Variants in SOX5 observed in about 807,000 individuals in gnomAD.
SOX5 encodes transcription factor SOX-5.
SOX5 carries 9 observed loss-of-function variants against 92.0 expected under a neutral mutation model. The observed-to-expected ratio is 0.10, with a 90% CI of 0.06 to 0.17. The LOEUF is 0.17. SOX5 is among the 10% of genes least tolerant of loss of function. SOX5 has a pLI of 1.00. For synonymous variants in SOX5, 344 were observed against 336.3 expected, an observed-to-expected ratio of 1.02 and a Z score of -0.25; for missense variants, 642 against 944.5, an observed-to-expected ratio of 0.68 and a Z score of 4.20.
Position 23,534,429 on chromosome 12 carries a change from C to T in SOX5, c.2082G>A (p.Glu694=). ...AGMPSPHLPS[E]HSSVSSSPEP... is the part of the protein sequence containing the mutation. ...CTGGGCTGCTAGACACGCTTGAGTGCTCCGAGGGCAGGTGAGGGGAGGGCA... is the reference window on the plus strand; with the variant it reads ...CTGGGCTGCTAGACACGCTTGAGTGTTCCGAGGGCAGGTGAGGGGAGGGCA... Residue 694 remains glutamate (E), a synonymous_variant, in exon 15 of 15, where the codon GAG becomes GAA. Coordinates refer to ENST00000451604, the MANE Select transcript of SOX5 (RefSeq NM_006940.6). The T allele has an allele frequency of 1.2e-6, 2 of 1,613,998 alleles. No individual in the cohort carries two copies. Among genetic ancestry groups the T allele is most frequent in the East Asian group, 2.2e-5 (1 of 44,882 alleles).
intron 3 of SOX5, among the ~76,000 whole-genome samples, chr12:23,798,168 T>C (rs1355710222): frequency 1.3e-5 from 2 of 152,042 alleles, no homozygotes; most frequent in African/African-American, 2.4e-5. Flanking sequence ...ATATTTTTAA[T>C]CTGATTACTC....
intron 4 of SOX5, among the ~76,000 whole-genome samples, chr12:24,200,655 C>T (rs1594197724): frequency 6.6e-6 from 1 of 152,150 alleles, no homozygotes; most frequent in East Asian, 1.9e-4. Context: ...TACAATATCT[C>T]TGGACAGAAG....
At chr12:24,386,363 ATTTTAC>A (rs1958414389) in intron 1 of SOX5, among the ~76,000 whole-genome samples, 1 of 152,098 alleles carries the variant, frequency 6.6e-6, no homozygotes. Context: ...TGGGCTTTAT[ATTTTAC>A]TTTTATAGTA....
intron 2 of SOX5, among the ~76,000 whole-genome samples, chr12:23,892,539 C>A (rs917108041): frequency 6.6e-6 from 1 of 152,030 alleles, no homozygotes; most frequent in Non-Finnish European, 1.5e-5. Flanking sequence ...CATAAACAAT[C>A]CAAGTCATTT....
chr12:24,202,939 T>G (rs907863433), intron 4 of SOX5, among the ~76,000 whole-genome samples: 1 of 152,208 alleles, frequency 6.6e-6, no homozygotes, highest in African/African-American at 2.4e-5. Context: ...GGAGATATGT[T>G]GATACTCTGT....
chr12:24,266,742 G>T (rs1389298179), intron 3 of SOX5, among the ~76,000 whole-genome samples: 1 of 152,050 alleles, frequency 6.6e-6, no homozygotes, highest in Non-Finnish European at 1.5e-5. Context: ...AACAAAAATG[G>T]CAATTTAGGT....
chr12:23,620,941 T>C lies in SOX5; in HGVS notation c.1018-16408A>G, dbSNP rs190586815. ...AATGTCAGTAAATAATTATCTCTGC[T>C]TTCATGAAAGGATTTTTAAACTTTT... On this transcript the variant is annotated intron_variant, in intron 8 of 14. Coordinates refer to ENST00000451604, the MANE Select transcript of SOX5 (RefSeq NM_006940.6). Among the ~76,000 whole-genome samples, 726 of 152,272 alleles carry C rather than the reference T, an allele frequency of 4.8e-3. 4 individuals carry two copies. The highest frequency in any genetic ancestry group is 0.01 in the Middle Eastern group (3 of 294).
At chr12:24,061,477 G>A (rs1362469095) in intron 4 of SOX5, among the ~76,000 whole-genome samples, 1 of 150,514 alleles carries the variant, frequency 6.6e-6, no homozygotes, top group African/African-American at 2.5e-5. Flanking sequence ...TAATCCAAAT[G>A]ATTATCCAGG....
intron 4 of SOX5, among the ~76,000 whole-genome samples, chr12:23,753,387 A>G (rs1199845858): frequency 6.6e-6 from 1 of 151,668 alleles, no homozygotes; most frequent in East Asian, 1.9e-4. Context: ...ATCTCCTGGA[A>G]CTAATTAAAA....
At chr12:23,720,991 A>G (rs971091691) in intron 6 of SOX5, among the ~76,000 whole-genome samples, 4 of 152,152 alleles carry the variant, frequency 2.6e-5, no homozygotes, top group African/African-American at 9.6e-5. Context: ...GGCCCTTTTC[A>G]TTTCTGGACC....
At chr12:23,607,796 T>C (rs2075428172) in intron 8 of SOX5, among the ~76,000 whole-genome samples, 1 of 152,174 alleles carries the variant, frequency 6.6e-6, no homozygotes, top group African/African-American at 2.4e-5. Flanking sequence ...TTTGTACGTA[T>C]GTATGCCTGT....
chr12:23,768,009 C>T (rs962197410), intron 3 of SOX5, among the ~76,000 whole-genome samples: 10 of 152,084 alleles, frequency 6.6e-5, no homozygotes, highest in African/African-American at 2.4e-4. Context: ...GTAGGGAGGG[C>T]TCCAAGGATG....
At chr12:24,001,609 G>A (rs1241256811) in intron 4 of SOX5, among the ~76,000 whole-genome samples, 9 of 152,090 alleles carry the variant, frequency 5.9e-5, no homozygotes, top group Non-Finnish European at 1.3e-4. Context: ...AGCAAGGTCA[G>A]GAGTTCAAGA....
intron 4 of SOX5, among the ~76,000 whole-genome samples, chr12:23,965,499 C>T (rs1437603146): frequency 6.6e-6 from 1 of 152,178 alleles, no homozygotes; most frequent in African/African-American, 2.4e-5. Context: ...AAATTGTGGA[C>T]AGACCATCTG....
intron 2 of SOX5, among the ~76,000 whole-genome samples, chr12:23,874,198 G>A (rs1227596148): frequency 6.6e-6 from 1 of 152,180 alleles, no homozygotes; most frequent in Non-Finnish European, 1.5e-5. Flanking sequence ...TTTTCAGTAA[G>A]ATTTAAAATG....
chr12:24,210,077 T>C (rs1252017481), intron 4 of SOX5, among the ~76,000 whole-genome samples: 2 of 136,892 alleles, frequency 1.5e-5, no homozygotes, highest in Non-Finnish European at 3.2e-5. Context: ...GTATCAATAA[T>C]ATCTACTTTA....
intron 3 of SOX5, among the ~76,000 whole-genome samples, chr12:24,269,688 C>CT (rs58098308): frequency 0.49 from 57,311 of 116,684 alleles, 15,600 homozygotes; most frequent in East Asian, 0.77. Flanking sequence ...TATTTTTATT[C>CT]TTTTTTTTTT....
At chr12:23,580,125 T>C (rs1372559187) in intron 9 of SOX5, among the ~76,000 whole-genome samples, 4 of 152,060 alleles carry the variant, frequency 2.6e-5, no homozygotes, top group Admixed American at 2.6e-4. Flanking sequence ...ATAGGGTTCA[T>C]TATAAGTATT....
At chr12:24,224,408 T>C (rs905624184) in intron 3 of SOX5, among the ~76,000 whole-genome samples, 2 of 152,188 alleles carry the variant, frequency 1.3e-5, no homozygotes, top group Admixed American at 6.5e-5. Flanking sequence ...AATAAGCTAT[T>C]TGAAAGCCAA....
Sources: allele counts gnomAD v4.1 joint callset (sites outside exome capture counted in the v4.1 genomes callset), GRCh38; gene constraint gnomAD v4.1.1; transcripts MANE v1.5; gene names NCBI Gene and HGNC (gene_info 2026-07-23, HGNC 2026-07-21).